The following MYO1H variants were observed in gnomAD, a reference collection of about 807,000 sequenced individuals.
MYO1H encodes the protein unconventional myosin-Ih.
A neutral mutation model predicts 149.3 loss-of-function variants in MYO1H; 118 were observed. The ratio of observed to expected loss-of-function variants is 0.79; its 90% CI spans 0.68 to 0.92. MYO1H has a LOEUF of 0.92. Ranked by LOEUF, MYO1H falls within the 40% of genes least tolerant of loss-of-function variation. The pLI, the probability that MYO1H is intolerant of heterozygous loss-of-function variation, is 0.00. For missense variants in MYO1H, 1,212 were observed against 1,280.7 expected (o/e 0.95, Z 0.82); for synonymous variants, 447 against 465.2 (o/e 0.96, Z 0.50).
the MYO1H span, among the ~76,000 whole-genome samples, chr12:109,331,675 G>A: frequency 3.3e-5 from 5 of 152,300 alleles, no homozygotes; most frequent in South Asian, 1.0e-3. Context: ...AAAGGCTGGG[G>A]CAGTCATTCC....
chr12:109,323,799 C>G, the MYO1H span, among the ~76,000 whole-genome samples: 1 of 152,122 alleles, frequency 6.6e-6, no homozygotes, highest in African/African-American at 2.4e-5. Context: ...TTCAGTTACT[C>G]CTGGGGAGTA....
Position 109,349,962 on chromosome 12 carries a change from A to G in MYO1H, c.12+1990A>G, listed in dbSNP as rs1168561320. 2.1e-4 allele frequency among the ~76,000 whole-genome samples: 7 copies of G among 32,932 alleles called. No homozygotes were observed. In the South Asian group the frequency reaches 2.5e-3, roughly 12 times the overall value. 21.6% of individuals were successfully genotyped at this position (32,932 alleles called of 152,430 possible). The stretch of plus-strand genomic sequence containing the variant: ...GGCGACAGAGCAAGACTCTGTCTTG[A>G]AAAAAAAAAAAAGTTAATATTATTA... On this transcript the variant is annotated intron_variant, in intron 1 of 31. Transcript: ENST00000310903.
the MYO1H span, among the ~76,000 whole-genome samples, chr12:109,319,414 C>T: frequency 6.6e-6 from 1 of 152,042 alleles, no homozygotes; most frequent in East Asian, 1.9e-4. Flanking sequence ...TGTCAGGGGG[C>T]TGGGGGAAGG....
chr12:109,427,244 A>AG (rs1424423760), intron 18 of MYO1H, among the ~76,000 whole-genome samples: 4 of 149,446 alleles, frequency 2.7e-5, no homozygotes, highest in Non-Finnish European at 5.9e-5. Context: ...TGAACCCAGG[A>AG]GGCAGAGGTT....
upstream of MYO1H, among the ~76,000 whole-genome samples, chr12:109,343,510 G>C (rs2048092913): frequency 6.6e-6 from 1 of 152,140 alleles, no homozygotes; most frequent in Admixed American, 6.6e-5. Flanking sequence ...AAAGCAGGCT[G>C]ACTTAATTGT....
chr12:109,371,153 T>C (rs1284811628), intron 1 of MYO1H, among the ~76,000 whole-genome samples: 1 of 152,100 alleles, frequency 6.6e-6, no homozygotes, highest in Non-Finnish European at 1.5e-5. Flanking sequence ...TTTAGGGAGA[T>C]GTTGTGACTT....
chr12:109,401,186 T>C (rs1280969029), exon 6 of MYO1H: 5 of 1,613,906 alleles, frequency 3.1e-6, no homozygotes, highest in Non-Finnish European at 3.4e-6. Flanking sequence ...CCACATCTTC[T>C]ACCAGCTGCT....
chr12:109,426,510 A>T (rs1871357635), intron 18 of MYO1H, among the ~76,000 whole-genome samples: 1 of 152,082 alleles, frequency 6.6e-6, no homozygotes, highest in African/African-American at 2.4e-5. Context: ...TGGGTGACAG[A>T]GTGAGACCCT....
the MYO1H span, among the ~76,000 whole-genome samples, chr12:109,342,608 A>G: frequency 6.7e-6 from 1 of 148,818 alleles, no homozygotes; most frequent in Non-Finnish European, 1.5e-5. Flanking sequence ...AGTGGTGTGA[A>G]CATGGCTCAC....
the MYO1H span, among the ~76,000 whole-genome samples, chr12:109,322,836 A>AAT: frequency 1.3e-5 from 2 of 151,248 alleles, no homozygotes; most frequent in Non-Finnish European, 2.9e-5. Context: ...AAAAAAAAAA[A>AAT]AAAAAATCAC....
intron 31 of MYO1H, chr12:109,446,552 T>C: frequency 1.4e-6 from 1 of 696,788 alleles, no homozygotes; most frequent in Non-Finnish European, 1.8e-6. Flanking sequence ...TCACCTGAGG[T>C]CAGGAGTTCG....
chr12:109,401,479 G>A (rs1436995793), intron 6 of MYO1H: 2 of 506,600 alleles, frequency 3.9e-6, no homozygotes, highest in East Asian at 3.2e-5. Flanking sequence ...AGTAACCAAT[G>A]TCTAGGTAAG....
Position 109,444,354 on chromosome 12 carries a change from G to C in MYO1H, c.2895+71G>C, listed in dbSNP as rs959656781. The C allele has an allele frequency of 2.5e-6, 4 of 1,569,304 alleles. No individual in the cohort carries two copies. In the East Asian group the frequency reaches 9.0e-5, roughly 35 times the overall value. On this transcript the variant is annotated intron_variant, in intron 29 of 31. Transcript: ENST00000310903. ...CTGCCAAAATGTTAAGTTGACCACC[G>C]TGAAACTTCTCTATTGGAGTGTCTG...
intron 7 of MYO1H, among the ~76,000 whole-genome samples, chr12:109,405,712 C>T (rs1217541657): frequency 6.6e-6 from 1 of 152,166 alleles, no homozygotes; most frequent in Non-Finnish European, 1.5e-5. Context: ...CTGAATGAGG[C>T]TGTTTCCCTC....
chr12:109,382,863 A>AT (rs1396568070), intron 1 of MYO1H, among the ~76,000 whole-genome samples: 1 of 148,714 alleles, frequency 6.7e-6, no homozygotes, highest in Non-Finnish European at 1.5e-5. Flanking sequence ...GGAAAAATAT[A>AT]TTTTAAAAAT....
chr12:109,442,379 C>A, intron 27 of MYO1H, 107 bp downstream of exon 27: 2 of 856,396 alleles, frequency 2.3e-6, no homozygotes, highest in Non-Finnish European at 3.9e-6. Flanking sequence ...AGGGGTGCAG[C>A]TGGGCAGCTG....
chr12:109,429,813 G>GT (rs1283933487), intron 19 of MYO1H, among the ~76,000 whole-genome samples: 1 of 152,182 alleles, frequency 6.6e-6, no homozygotes, highest in Non-Finnish European at 1.5e-5. Flanking sequence ...GTCTTAGTCT[G>GT]TTTGGGCTGC....
At chr12:109,411,963 G>T (rs1224474554) in exon 14 of MYO1H, 1 of 1,601,188 alleles carries the variant, frequency 6.2e-7, no homozygotes, top group South Asian at 1.1e-5. Flanking sequence ...AGAGAAAGTG[G>T]GCAAACATGC....
intron 31 of MYO1H, among the ~76,000 whole-genome samples, chr12:109,446,771 T>A (rs551284128): frequency 7.2e-5 from 11 of 152,246 alleles, no homozygotes; most frequent in Non-Finnish European, 1.3e-4. Flanking sequence ...CTCAAAAAAA[T>A]AAAATCATTT....
Sources: allele counts gnomAD v4.1 joint callset (sites outside exome capture counted in the v4.1 genomes callset), GRCh38; gene constraint gnomAD v4.1.1; transcripts MANE v1.5; gene names NCBI Gene and HGNC (gene_info 2026-07-23, HGNC 2026-07-21).